Variants in RNF10 observed in about 807,000 individuals in gnomAD.
The protein encoded by RNF10 is E3 ubiquitin-protein ligase RNF10.
RNF10 carries 38 observed loss-of-function variants against 91.4 expected under a neutral mutation model. The ratio of observed to expected loss-of-function variants is 0.42; its 90% confidence interval spans 0.32 to 0.54. The LOEUF (loss-of-function observed/expected upper bound fraction) is 0.54, where lower values mean the gene tolerates loss of function less well. Ranked by LOEUF, RNF10 falls within the 20% of genes least tolerant of loss-of-function variation. The probability of loss-of-function intolerance (pLI) is 0.16; values close to 1 mark genes in which losing one functional copy is unlikely to be tolerated. For missense variants in RNF10, 945 were observed against 1,012.0 expected (o/e 0.93, Z 0.90); for synonymous variants, 364 against 366.3 (o/e 0.99, Z 0.07).
intron 12 of RNF10, among the ~76,000 whole-genome samples, 198 bp downstream of exon 12, chr12:120,565,727 G>A (rs551157897): frequency 1.1e-4 from 16 of 152,308 alleles, no homozygotes; most frequent in African/African-American, 3.8e-4. Context: ...CACATAGTAA[G>A]GATTAAGAGG....
chr12:120,536,725 A>C (rs921136796), intron 1 of RNF10, among the ~76,000 whole-genome samples: 6 of 152,260 alleles, frequency 3.9e-5, no homozygotes, highest in Admixed American at 3.3e-4. Context: ...TTGATAAGTA[A>C]GTTTATTTTT....
At chr12:120,573,508 C>T (rs776149316) in intron 14 of RNF10, among the ~76,000 whole-genome samples, 1 of 151,608 alleles carries the variant, frequency 6.6e-6, no homozygotes, top group Non-Finnish European at 1.5e-5. Context: ...TAAAACAATT[C>T]ACATGTCAAA....
chr12:120,566,018 T>C (rs949491181), intron 12 of RNF10, among the ~76,000 whole-genome samples: 11 of 152,212 alleles, frequency 7.2e-5, no homozygotes, highest in African/African-American at 2.2e-4. Flanking sequence ...ATAAGTTTCA[T>C]TGAATCCAGG....
chr12:120,544,604 C>T (rs886899982), intron 1 of RNF10, among the ~76,000 whole-genome samples: 2 of 151,956 alleles, frequency 1.3e-5, no homozygotes, highest in Admixed American at 1.3e-4. Flanking sequence ...TTGTAGTGAA[C>T]GAGATTGTGC....
chr12:120,560,630 C>T (rs1279316809), intron 6 of RNF10, 96 bp from the exon 7 acceptor site: 1 of 1,211,334 alleles, frequency 8.3e-7, no homozygotes, highest in Non-Finnish European at 1.2e-6. Context: ...CCCATTTTCA[C>T]CCCAGAGAAA....
At position 120,534,736 on chromosome 12, in the gene RNF10, G is replaced by A. The variant is rs1649729735; in HGVS notation, c.-76G>A. On this transcript the variant is annotated 5_prime_UTR_variant, in exon 1 of 17. Coordinates refer to ENST00000325954, the MANE Select transcript of RNF10 (RefSeq NM_014868.5). ...CCGCTGCCGCCGCCGACCCCCGCCG[G>A]CCCTGAACGCCATGAGCCTGGGTCC... 6.9e-7 allele frequency: 1 copy of A among 1,453,804 alleles called. No homozygotes were observed. Among genetic ancestry groups the A allele is most frequent in the African/African-American group, 1.5e-5 (1 of 66,660 alleles). The allele number at this position is 1,453,804 out of a possible 1,614,324, so 90.1% of individuals were successfully genotyped here. A position where few individuals can be genotyped will look rare whatever the true frequency, so the allele number is the denominator to read the frequency against.
At chr12:120,573,743 G>C (rs1471253468) in intron 14 of RNF10, among the ~76,000 whole-genome samples, 1 of 152,130 alleles carries the variant, frequency 6.6e-6, no homozygotes, top group African/African-American at 2.4e-5. Flanking sequence ...AGGAGGGGAG[G>C]AGGTGCCAGG....
chr12:120,573,028 A>T (rs1487366864), intron 14 of RNF10, among the ~76,000 whole-genome samples: 1 of 151,288 alleles, frequency 6.6e-6, no homozygotes, highest in Non-Finnish European at 1.5e-5. Flanking sequence ...AGATTCACTA[A>T]TTGTTACTAT....
intron 10 of RNF10, 102 bp downstream of exon 10, chr12:120,564,045 AG>A: frequency 1.5e-6 from 2 of 1,338,568 alleles, no homozygotes; most frequent in East Asian, 4.6e-5. Context: ...CAAGGCCTTT[AG>A]TTTTTGTATT....
At chr12:120,573,481 T>G (rs1271854310) in intron 14 of RNF10, among the ~76,000 whole-genome samples, 1 of 152,198 alleles carries the variant, frequency 6.6e-6, no homozygotes, top group Non-Finnish European at 1.5e-5. Context: ...GGTGACATTT[T>G]GATTACCTTT....
In RNF10 at chr12:120,551,337, C is replaced by G. The variant is rs1464541878; in HGVS notation, c.355-1162C>G. Among the ~76,000 whole-genome samples the G allele has an allele frequency of 6.8e-5, 9 of 133,158 alleles. No individual in the cohort carries two copies. In the East Asian group the frequency reaches 2.0e-3, roughly 30 times the overall value. 87.4% of individuals were successfully genotyped at this position (133,158 alleles called of 152,430 possible). Reference sequence around the variant, plus strand: ...TGAAATGGAGTTTTGCTCTTGATGCCAGGCTGGAGTGCAATGGTGTGATCT... The same window carrying G: ...TGAAATGGAGTTTTGCTCTTGATGCGAGGCTGGAGTGCAATGGTGTGATCT... On this transcript the variant is annotated intron_variant, in intron 2 of 16. Transcript: ENST00000325954.
At position 120,557,422 on chromosome 12, in the gene RNF10, A is replaced by G. The variant is rs1874204820; in HGVS notation, c.786A>G (p.Lys262=). The G allele has an allele frequency of 3.1e-6, 5 of 1,614,052 alleles. No homozygotes were observed. The highest frequency in any genetic ancestry group is 4.2e-6 in the Non-Finnish European group (5 of 1,180,036). ...YLSLSEKTWS[K]CPICYSSVHK... Reference sequence around the variant, plus strand: ...CACTGAGTGAGAAGACGTGGAGTAAATGTCCCATCTGTTACAGTTCTGTGC... The same window carrying G: ...CACTGAGTGAGAAGACGTGGAGTAAGTGTCCCATCTGTTACAGTTCTGTGC... The change falls in exon 5 of 17, where the codon AAA becomes AAG. Residue 262 remains lysine, a synonymous_variant. Transcript: ENST00000325954.
Position 120,557,661 on chromosome 12 carries a change from G to A in RNF10, c.946G>A (p.Asp316Asn), listed in dbSNP as rs2137204175. 6.2e-7 allele frequency: 1 copy of A among 1,614,152 alleles called. No individual in the cohort carries two copies. The highest frequency in any genetic ancestry group is 1.1e-5 in the South Asian group (1 of 91,072). Reference sequence around the variant, plus strand: ...GCCCAAATCCAAATGGATGAATGTAGACCATCCCATTCATCTAGGAGGTGA... The same window carrying A: ...GCCCAAATCCAAATGGATGAATGTAAACCATCCCATTCATCTAGGAGGTGA... ...ALPKSKWMNV[D>N]HPIHLGDEQH... is the part of the protein sequence containing the mutation. Residue 316 changes from aspartate to asparagine, a missense_variant, in exon 6 of 17, where the codon GAC becomes AAC. Asp to Asn is a conservative substitution (Grantham distance 23, BLOSUM62 1). Transcript: ENST00000325954.
Position 120,534,759 on chromosome 12 carries a change from T to A in RNF10, c.-53T>A. 4.6e-6 allele frequency: 7 copies of A among 1,515,610 alleles called. No individual in the cohort carries two copies. The highest frequency in any genetic ancestry group is 6.1e-6 in the Non-Finnish European group (7 of 1,139,570). 93.9% of individuals were successfully genotyped at this position (1,515,610 alleles called of 1,614,324 possible). On this transcript the variant is annotated 5_prime_UTR_variant, in exon 1 of 17. Transcript: ENST00000325954. ...CGGCCCTGAACGCCATGAGCCTGGG[T>A]CCCCGCCGCGCCCGCTCCGCTCCGA...
chr12:120,572,537 T>C (rs866301661), intron 14 of RNF10, among the ~76,000 whole-genome samples: 1 of 152,308 alleles, frequency 6.6e-6, no homozygotes, highest in Middle Eastern at 3.4e-3. Flanking sequence ...AATTAACTGC[T>C]GGACTTAGAG....
intron 7 of RNF10, among the ~76,000 whole-genome samples, chr12:120,562,526 A>C (rs1875030618): frequency 6.6e-6 from 1 of 151,916 alleles, no homozygotes. Flanking sequence ...CGCCCACCTC[A>C]GTCTCCCAAA....
intron 2 of RNF10, among the ~76,000 whole-genome samples, chr12:120,549,336 C>A (rs966887660): frequency 1.3e-5 from 2 of 152,166 alleles, no homozygotes; most frequent in Non-Finnish European, 1.5e-5. Flanking sequence ...GATTGTAGTA[C>A]TTCCAGGCAC....
At chr12:120,557,137 C>T in intron 4 of RNF10, 145 bp from the exon 5 acceptor site, 1 of 622,698 alleles carries the variant, frequency 1.6e-6, no homozygotes, top group South Asian at 2.3e-5. Context: ...ACGTTGTAAA[C>T]AATTTTAGAA....
chr12:120,539,271 A>G lies in RNF10; in HGVS notation c.157+4303A>G, dbSNP rs969285409. The G allele has an allele frequency of 1.1e-5, 6 of 546,994 alleles. No homozygotes were observed. The Admixed American group carries it at 1.2e-4, about 11-fold the overall frequency. The allele number at this position is 546,994 out of a possible 1,614,324, so 33.9% of individuals were successfully genotyped here. A position where few individuals can be genotyped will look rare whatever the true frequency, so the allele number is the denominator to read the frequency against. On this transcript the variant is annotated intron_variant, in intron 1 of 16. Coordinates refer to ENST00000325954, the MANE Select transcript of RNF10 (RefSeq NM_014868.5). ...AAATTTTTATGAAGTCCTAGGCGGT[A>G]TTTTTCAATAAGCTTTGTATAATCA...
Sources: allele counts gnomAD v4.1 joint callset (sites outside exome capture counted in the v4.1 genomes callset), GRCh38; gene constraint gnomAD v4.1.1; transcripts MANE v1.5; gene names NCBI Gene and HGNC (gene_info 2026-07-23, HGNC 2026-07-21).